Variants in CHMP6 observed in about 807,000 individuals in gnomAD.
CHMP6 encodes the protein charged multivesicular body protein 6, also known as chromatin-modifying protein 6.
A neutral mutation model predicts 32.8 loss-of-function variants in CHMP6; 10 were observed. The ratio of observed to expected loss-of-function variants is 0.30; its 90% CI spans 0.19 to 0.52. CHMP6 has a LOEUF of 0.52. Ranked by LOEUF, CHMP6 falls within the 20% of genes least tolerant of loss-of-function variation. The probability of loss-of-function intolerance (pLI) is 0.97; values close to 1 mark genes in which losing one functional copy is unlikely to be tolerated. For missense variants in CHMP6, 269 were observed against 263.8 expected, an observed-to-expected ratio of 1.02 and a Z score of -0.14; for synonymous variants, 123 against 105.8, an observed-to-expected ratio of 1.16 and a Z score of -1.00.
intron 1 of CHMP6, among the ~76,000 whole-genome samples, chr17:80,993,751 C>T (rs1283110125): frequency 2.0e-5 from 3 of 152,182 alleles, no homozygotes; most frequent in Admixed American, 6.5e-5. Flanking sequence ...TCAGCGGGGC[C>T]GAGTGGGTGT....
chr17:80,992,445 C>T (rs2069601194), intron 1 of CHMP6, among the ~76,000 whole-genome samples: 1 of 152,216 alleles, frequency 6.6e-6, no homozygotes. Context: ...GCCGGAGCCC[C>T]GGCGGTGCTG....
In CHMP6 at chr17:80,995,683, T is replaced by A; in HGVS notation, c.273T>A (p.Ile91=). 6.2e-7 allele frequency: 1 copy of A among 1,613,932 alleles called. No individual in the cohort carries two copies. The highest frequency in any genetic ancestry group is 8.5e-7 in the Non-Finnish European group (1 of 1,179,846). Reference sequence around the variant, plus strand: ...GGTTTCCTTTTCAGGTTCAGAGTATTGAGTTCACCCAGATCGAAATGAAAG... The same window carrying A: ...GGTTTCCTTTTCAGGTTCAGAGTATAGAGTTCACCCAGATCGAAATGAAAG... The part of the protein sequence containing the change: ...ISSLEAMVQS[I]EFTQIEMKVM... Residue 91 remains isoleucine, a synonymous_variant, in exon 4 of 8, where the codon ATT becomes ATA. Coordinates refer to ENST00000325167, the MANE Select transcript of CHMP6 (RefSeq NM_024591.5).
At chr17:80,997,431 C>T (rs1015672286) in intron 6 of CHMP6, 90 bp downstream of exon 6, 50 of 639,418 alleles carry the variant, frequency 7.8e-5, no homozygotes, top group South Asian at 1.4e-4. Flanking sequence ...ATGGTGATCT[C>T]GTATGTGGTG....
At chr17:80,998,676 AG>A in intron 7 of CHMP6, 1 of 1,397,566 alleles carries the variant, frequency 7.2e-7, no homozygotes, top group Non-Finnish European at 9.3e-7. Context: ...AACTGGGGAA[AG>A]GCTTCTTTAG....
intron 1 of CHMP6, among the ~76,000 whole-genome samples, chr17:80,992,390 G>GT (rs111267160): frequency 2.0e-5 from 3 of 151,684 alleles, no homozygotes; most frequent in Non-Finnish European, 2.9e-5. Flanking sequence ...CGGAGTCGCT[G>GT]CCCCCGCCCC....
Position 80,991,989 on chromosome 17 carries a change from C to T in CHMP6, c.63+8C>T. ...CAGGACAAGGCCATCCTGGTGAGGG[C>T]CCGGGCCCGGGGTCAGGGCTGGGGC... On this transcript the variant is annotated splice_region_variant and intron_variant, in intron 1 of 7. Coordinates refer to ENST00000325167, the MANE Select transcript of CHMP6 (RefSeq NM_024591.5). 4 of 1,419,602 alleles carry T rather than the reference C, an allele frequency of 2.8e-6. No homozygotes were observed. The highest frequency in any genetic ancestry group is 3.2e-5 in the East Asian group (1 of 31,054). 87.9% of individuals were successfully genotyped at this position (1,419,602 alleles called of 1,614,324 possible). A position where few individuals can be genotyped will look rare whatever the true frequency, so the allele number is the denominator to read the frequency against.
rs368586729 is a variant in CHMP6, at chr17:80,997,321, G to A, written c.475G>A (p.Glu159Lys). ...GGAGGATGAAGACGCCATCCTGGAG[G>A]AGCTGAGCGCAATCACTCAGGTAAC... The part of the protein sequence containing the change: ...TQEDEDAILE[E>K]LSAITQEQIE... The change falls in exon 6 of 8, where the codon GAG (glutamate) becomes AAG (lysine). Residue 159 changes from glutamate (E) to lysine (K), a missense_variant. Transcript: ENST00000325167. The A allele has an allele frequency of 6.2e-6, 10 of 1,612,562 alleles. No individual in the cohort carries two copies. The highest frequency in any genetic ancestry group is 1.3e-5 in the African/African-American group (1 of 74,096).
chr17:80,998,954 T>G (rs527357052), intron 7 of CHMP6, 144 bp from the exon 8 acceptor site: 1 of 906,316 alleles, frequency 1.1e-6, no homozygotes, highest in African/African-American at 1.7e-5. Flanking sequence ...TGTTTGTCAC[T>G]TGCCTCCCCC....
In CHMP6 at chr17:80,999,398, T is replaced by G. The variant is rs1194625342; in HGVS notation, c.*245T>G. The G allele has an allele frequency of 2.0e-6, 1 of 493,834 alleles. No homozygotes were observed. Among genetic ancestry groups the G allele is most frequent in the African/African-American group, 2.0e-5 (1 of 51,036 alleles). 30.6% of individuals were successfully genotyped at this position (493,834 alleles called of 1,614,324 possible). ...GGATTAACTCTCGACCGAGCCCAGC[T>G]TCTGCCGGTTGTGGGCTCCCCCGGT... On this transcript the variant is annotated 3_prime_UTR_variant, in exon 8 of 8. Transcript: ENST00000325167.
At position 80,998,357 on chromosome 17, in the gene CHMP6, T is replaced by C; in HGVS notation, c.496-9T>C. ...ACCTGCTCATAGCCTTACCCTTTGC[T>C]TCTTGCAGGAACAAATAGAGCTGCC... On this transcript the variant is annotated splice_polypyrimidine_tract_variant and intron_variant, in intron 6 of 7. Coordinates refer to ENST00000325167, the MANE Select transcript of CHMP6 (RefSeq NM_024591.5). 6.2e-7 allele frequency: 1 copy of C among 1,614,194 alleles called. No individual in the cohort carries two copies. The highest frequency in any genetic ancestry group is 8.5e-7 in the Non-Finnish European group (1 of 1,180,012).
chr17:80,994,451 C>T, intron 1 of CHMP6, 130 bp from the exon 2 acceptor site: 1 of 692,412 alleles, frequency 1.4e-6, no homozygotes, highest in Admixed American at 3.7e-5. Context: ...CCACCTGTCC[C>T]CTGGAAGGCA....
rs575252161 is a variant in CHMP6, at chr17:80,997,263, A to G, written c.417A>G (p.Gln139=). The part of the protein sequence containing the change: ...ETQEAVEYQR[Q]IDELLAGSFT... The stretch of plus-strand genomic sequence containing the variant: ...CACCACCGCCTGTCCTTTTGCAGCA[A>G]ATAGACGAGCTCCTGGCAGGAAGCT... The change falls in exon 6 of 8, where the codon CAA becomes CAG. Residue 139 remains glutamine (Q), a splice_region_variant and synonymous_variant. Transcript: ENST00000325167. 8.4e-5 allele frequency: 136 copies of G among 1,613,414 alleles called. No homozygotes were observed. The South Asian group carries it at 1.4e-3, about 17-fold the overall frequency.
In CHMP6 at chr17:80,999,284, A is replaced by G; in HGVS notation, c.*131A>G. 1 of 1,001,418 alleles carries G rather than the reference A, an allele frequency of 1.0e-6. No individual in the cohort carries two copies. 62.0% of individuals were successfully genotyped at this position (1,001,418 alleles called of 1,614,324 possible). A position where few individuals can be genotyped will look rare whatever the true frequency, so the allele number is the denominator to read the frequency against. On this transcript the variant is annotated 3_prime_UTR_variant, in exon 8 of 8. Transcript: ENST00000325167. ...CACGGTGCTGAGCAGAGCTGCAGCC[A>G]CGCAGGCGCATTGCAGGAGGACTCC...
chr17:80,997,366 A>G (rs1221036802), intron 6 of CHMP6, 25 bp downstream of exon 6: 1 of 1,600,740 alleles, frequency 6.2e-7, no homozygotes, highest in South Asian at 1.1e-5. Flanking sequence ...GGGACTGAGC[A>G]CAGTCACTCA....
In CHMP6 at chr17:80,995,710, G is replaced by A. The variant is rs760472042; in HGVS notation, c.300G>A (p.Val100=). The change falls in exon 4 of 8, where the codon GTG becomes GTA. Residue 100 remains valine (V), a synonymous_variant. Transcript: ENST00000325167. ...SIEFTQIEMK[V]MEGLQFGNEC... ...AGTTCACCCAGATCGAAATGAAAGT[G>A]ATGGAGGGGCTGCAGTTTGGAAATG... The A allele has an allele frequency of 1.2e-6, 2 of 1,614,150 alleles. No homozygotes were observed. The highest frequency in any genetic ancestry group is 2.2e-5 in the East Asian group (1 of 44,884).
chr17:80,994,153 C>A (rs1010525424), intron 1 of CHMP6, among the ~76,000 whole-genome samples: 6 of 152,180 alleles, frequency 3.9e-5, no homozygotes, highest in Non-Finnish European at 7.4e-5. Context: ...TGACCTCGTG[C>A]TCCGCCCGCC....
At chr17:80,992,121 C>T in intron 1 of CHMP6, 140 bp downstream of exon 1, 1 of 505,992 alleles carries the variant, frequency 2.0e-6, no homozygotes, top group Non-Finnish European at 2.9e-6. Context: ...CAGCCGGGCC[C>T]CTCGGTCTCT....
intron 7 of CHMP6, 75 bp from the exon 8 acceptor site, chr17:80,999,023 G>T: frequency 1.3e-6 from 2 of 1,571,938 alleles, no homozygotes; most frequent in Non-Finnish European, 8.7e-7. Context: ...TGCCACCCCT[G>T]TGGCCTCGTC....
Position 80,995,026 on chromosome 17 carries a change from A to G in CHMP6, c.181A>G (p.Lys61Glu), listed in dbSNP as rs766385072. The change falls in exon 3 of 8, where the codon AAG becomes GAG. Residue 61 changes from lysine to glutamate, a missense_variant. Lys to Glu is a moderately conservative substitution (Grantham distance 56). Coordinates refer to ENST00000325167, the MANE Select transcript of CHMP6 (RefSeq NM_024591.5). ...LLRDGRKERA[K>E]LLLKKKRYQE... ...TCGGGCTTCCCTCTGCAGACGGGCCAAGCTGCTGCTCAAGAAGAAGCGATA... is the reference window on the plus strand; with the variant it reads ...TCGGGCTTCCCTCTGCAGACGGGCCGAGCTGCTGCTCAAGAAGAAGCGATA... 1.4e-5 allele frequency: 23 copies of G among 1,594,878 alleles called. No homozygotes were observed. In the East Asian group the frequency reaches 4.8e-4, roughly 33 times the overall value.
Sources: allele counts gnomAD v4.1 joint callset (sites outside exome capture counted in the v4.1 genomes callset), GRCh38; gene constraint gnomAD v4.1.1; transcripts MANE v1.5; gene names NCBI Gene and HGNC (gene_info 2026-07-23, HGNC 2026-07-21).